The following TIAM1 variants were observed in gnomAD, a reference collection of about 807,000 sequenced individuals.
The protein encoded by TIAM1 is TIAM Rac1 associated GEF 1, also known as rho guanine nucleotide exchange factor TIAM1.
Under a neutral mutation model 163.5 loss-of-function variants are expected in TIAM1, and 65 were observed. That is an observed-to-expected ratio of 0.40 (90% CI 0.33 to 0.49). The LOEUF is 0.49. TIAM1 is among the 20% of genes least tolerant of loss of function. The probability of loss-of-function intolerance (pLI) is 0.77; values close to 1 mark genes in which losing one functional copy is unlikely to be tolerated. For missense variants in TIAM1, 1,789 were observed against 2,044.7 expected, an observed-to-expected ratio of 0.87 and a Z score of 2.41; for synonymous variants, 833 against 810.1, an observed-to-expected ratio of 1.03 and a Z score of -0.48.
intron 2 of TIAM1, among the ~76,000 whole-genome samples, chr21:31,443,820 G>C (rs1272549450): frequency 6.6e-6 from 1 of 152,180 alleles, no homozygotes; most frequent in African/African-American, 2.4e-5. Context: ...AATAAGCTCA[G>C]AGCATCCCTA....
At chr21:31,498,633 G>A (rs1464839784) in intron 1 of TIAM1, among the ~76,000 whole-genome samples, 1 of 152,198 alleles carries the variant, frequency 6.6e-6, no homozygotes, top group Non-Finnish European at 1.5e-5. Flanking sequence ...CTAGTGAGAA[G>A]TCAAGACATG....
intron 1 of TIAM1, chr21:31,464,044 T>C (rs2045432313): frequency 6.6e-6 from 1 of 152,140 alleles, no homozygotes; most frequent in Admixed American, 6.6e-5. Flanking sequence ...ACCTGGAAGG[T>C]AAGAAAAACA....
chr21:31,491,545 CA>C (rs1293535327), intron 1 of TIAM1, among the ~76,000 whole-genome samples: 1 of 152,172 alleles, frequency 6.6e-6, no homozygotes, highest in East Asian at 1.9e-4. Context: ...ACCTGTTTTC[CA>C]ACCCTCCTTT....
At chr21:31,246,221 CT>C (rs200986423) in intron 5 of TIAM1, among the ~76,000 whole-genome samples, 13 of 148,574 alleles carry the variant, frequency 8.7e-5, no homozygotes, top group Middle Eastern at 3.5e-3. Flanking sequence ...CATCTATAAA[CT>C]TTTTTTTTTT....
At chr21:31,352,535 T>A (rs1187790107) in intron 2 of TIAM1, among the ~76,000 whole-genome samples, 1 of 140,940 alleles carries the variant, frequency 7.1e-6, no homozygotes, top group Admixed American at 7.6e-5. Flanking sequence ...GGCTCACATA[T>A]ATGTAGCTTT....
upstream of TIAM1, among the ~76,000 whole-genome samples, chr21:31,347,965 GA>G (rs1403225789): frequency 2.0e-5 from 3 of 152,322 alleles, no homozygotes; most frequent in East Asian, 5.8e-4. Context: ...GGCATGTGGA[GA>G]AAAGGTCACA....
chr21:31,521,523 G>T (rs1185836313), intron 1 of TIAM1, among the ~76,000 whole-genome samples: 2 of 152,064 alleles, frequency 1.3e-5, no homozygotes, highest in African/African-American at 4.8e-5. Flanking sequence ...ATCACATGAG[G>T]CTAGGAGTTG....
intron 1 of TIAM1, among the ~76,000 whole-genome samples, chr21:31,534,335 TG>T (rs1423594487): frequency 2.0e-5 from 3 of 152,222 alleles, no homozygotes; most frequent in Non-Finnish European, 4.4e-5. Context: ...CTGAGCTCCC[TG>T]GCCTAATGGC....
intron 2 of TIAM1, among the ~76,000 whole-genome samples, chr21:31,440,431 C>G (rs1185085329): frequency 6.6e-6 from 1 of 152,172 alleles, no homozygotes; most frequent in African/African-American, 2.4e-5. Flanking sequence ...TGATTATAGC[C>G]TAATTCCTGA....
chr21:31,497,866 GC>G (rs1180452648), intron 1 of TIAM1, among the ~76,000 whole-genome samples: 3 of 152,168 alleles, frequency 2.0e-5, no homozygotes, highest in African/African-American at 7.2e-5. Context: ...AAAGCTGGGG[GC>G]TTGGAAAAAC....
At position 31,203,129 on chromosome 21, in the gene TIAM1, G is replaced by C. The variant is rs1052910060; in HGVS notation, c.2389-117C>G. On this transcript the variant is annotated intron_variant, in intron 11 of 27. Transcript: ENST00000541036. ...ACCAATAGAGTTTGTTGTTGTTGTTGTTGTTGTTTTGAGATGGAGTTTCAC... is the reference window on the plus strand; with the variant it reads ...ACCAATAGAGTTTGTTGTTGTTGTTCTTGTTGTTTTGAGATGGAGTTTCAC... 49 of 900,866 alleles carry C rather than the reference G, an allele frequency of 5.4e-5. No homozygotes were observed. In the Admixed American group the frequency reaches 1.1e-3, roughly 19 times the overall value. The allele number at this position is 900,866 out of a possible 1,614,324, so 55.8% of individuals were successfully genotyped here.
chr21:31,205,325 AG>A (rs2086394931), intron 11 of TIAM1, among the ~76,000 whole-genome samples: 1 of 152,198 alleles, frequency 6.6e-6, no homozygotes, highest in Non-Finnish European at 1.5e-5. Context: ...TCTTAGTAAC[AG>A]GAACAAATTC....
chr21:31,495,936 C>T (rs2046624762), intron 1 of TIAM1, among the ~76,000 whole-genome samples: 1 of 151,850 alleles, frequency 6.6e-6, no homozygotes, highest in Non-Finnish European at 1.5e-5. Context: ...CGCTCCACTG[C>T]ACTCCAGCCT....
chr21:31,430,273 CAT>C (rs143109113), intron 2 of TIAM1, among the ~76,000 whole-genome samples: 6,749 of 125,830 alleles, frequency 0.054, 250 homozygotes, highest in East Asian at 0.12. Flanking sequence ...CACACACACA[CAT>C]ATATATATAT....
intron 16 of TIAM1, among the ~76,000 whole-genome samples, chr21:31,164,376 C>T (rs1009601800): frequency 4.2e-5 from 6 of 141,284 alleles, no homozygotes; most frequent in African/African-American, 1.4e-4. Context: ...GGCGACAGAG[C>T]GAGACTCCAT....
At chr21:31,260,740 G>GAA (rs35382269) in intron 4 of TIAM1, among the ~76,000 whole-genome samples, 20 of 137,350 alleles carry the variant, frequency 1.5e-4, no homozygotes, top group African/African-American at 5.1e-4. Flanking sequence ...GAGGAGAACA[G>GAA]AAAAAAAAAA....
chr21:31,338,191 G>A (rs1049669836), intron 2 of TIAM1, among the ~76,000 whole-genome samples: 1 of 152,216 alleles, frequency 6.6e-6, no homozygotes, highest in Non-Finnish European at 1.5e-5. Context: ...CGGAGCAGCA[G>A]GTAAGACTGG....
At chr21:31,242,559 G>A (rs978622205) in intron 6 of TIAM1, among the ~76,000 whole-genome samples, 3 of 152,148 alleles carry the variant, frequency 2.0e-5, no homozygotes, top group African/African-American at 7.2e-5. Context: ...GAGCGTTGAT[G>A]ATAGGCTTGA....
At chr21:31,143,444 T>C (rs2146282824) in intron 20 of TIAM1, among the ~76,000 whole-genome samples, 1 of 125,974 alleles carries the variant, frequency 7.9e-6, no homozygotes, top group South Asian at 2.4e-4. Context: ...GGAGTGTATA[T>C]ATAATTTTTA....
Sources: gnomAD v4.1 joint callset for allele counts (sites outside exome capture counted in the v4.1 genomes callset) on GRCh38, gnomAD v4.1.1 for gene constraint, MANE v1.5 for transcripts, NCBI Gene and HGNC (gene_info 2026-07-23, HGNC 2026-07-21) for gene names.